Variants in SPRY3 observed in about 807,000 individuals in gnomAD.
The protein encoded by SPRY3 is protein sprouty homolog 3.
Under a neutral mutation model 20.2 loss-of-function variants are expected in SPRY3, and 15 were observed. That is an observed-to-expected ratio of 0.74 (90% confidence interval 0.50 to 1.14). The LOEUF is 1.14. SPRY3 is among the 50% of genes most tolerant of loss of function. The pLI is 0.00. For missense variants in SPRY3, 364 were observed against 363.9 expected (o/e 1.00, Z 0.00); for synonymous variants, 143 against 136.5 (o/e 1.05, Z -0.33).
chrX:155,735,215 C>T (rs747673002), intron 2 of SPRY3, among the ~76,000 whole-genome samples: 2 of 151,796 alleles, frequency 1.3e-5, no homozygotes, highest in East Asian at 1.9e-4. Context: ...TAAGAGAATA[C>T]TTTGTATGAT....
At chrX:155,708,271 A>G (rs1166334212) in intron 2 of SPRY3, among the ~76,000 whole-genome samples, 1 of 151,406 alleles carries the variant, frequency 6.6e-6, no homozygotes, top group East Asian at 1.9e-4. Flanking sequence ...CACTTTTGAA[A>G]GATAATTCTG....
chrX:155,708,854 A>C (rs977131137), intron 2 of SPRY3, among the ~76,000 whole-genome samples: 5 of 151,242 alleles, frequency 3.3e-5, no homozygotes, highest in African/African-American at 1.2e-4. Context: ...CATTCTAACT[A>C]TTTTTTGGTA....
intron 2 of SPRY3, among the ~76,000 whole-genome samples, chrX:155,710,324 A>G (rs978556285): frequency 2.8e-4 from 43 of 151,182 alleles, no homozygotes; most frequent in African/African-American, 9.9e-4. Flanking sequence ...TTTTGTGCGT[A>G]CTCTTCAATT....
intron 2 of SPRY3, among the ~76,000 whole-genome samples, chrX:155,672,092 C>G (rs2068042544): frequency 9.0e-6 from 1 of 111,691 alleles, no homozygotes; most frequent in Non-Finnish European, 1.9e-5. Flanking sequence ...ATGCCTCCAG[C>G]TTTGTTCTGT....
intron 2 of SPRY3, among the ~76,000 whole-genome samples, chrX:155,753,748 T>C (rs2091273231): frequency 6.6e-6 from 1 of 152,008 alleles, no homozygotes; most frequent in Non-Finnish European, 1.5e-5. Flanking sequence ...ACATCCTCAC[T>C]ACCACGTGTG....
chrX:155,774,842 T>C, exon 4 of SPRY3: 2 of 1,329,680 alleles, frequency 1.5e-6, no homozygotes, highest in Non-Finnish European at 1.0e-6. Flanking sequence ...TAGCCAAAGT[T>C]AGGGCCTCTC....
At chrX:155,714,085 A>G (rs937787636) in intron 2 of SPRY3, among the ~76,000 whole-genome samples, 1 of 152,120 alleles carries the variant, frequency 6.6e-6, no homozygotes. Context: ...TATCTGATAG[A>G]ATTCTGAAGT....
Position 155,692,838 on chromosome X carries a change from T to G in SPRY3, c.-282+35813T>G, listed in dbSNP as rs1485198180. Reference sequence around the variant, plus strand: ...ACATAAAATCGTTCACAATACATACTTATTAACTTTTAATGACTTAATGAT... The same window carrying G: ...ACATAAAATCGTTCACAATACATACGTATTAACTTTTAATGACTTAATGAT... On this transcript the variant is annotated intron_variant, in intron 2 of 3. Transcript: ENST00000675360. Among the ~76,000 whole-genome samples, 6 of 111,949 alleles carry G rather than the reference T, an allele frequency of 5.4e-5. No individual in the cohort carries two copies. In the East Asian group the frequency reaches 1.7e-3, roughly 31 times the overall value.
At chrX:155,656,794 T>C (rs918894105) in intron 1 of SPRY3, among the ~76,000 whole-genome samples, 1 of 111,872 alleles carries the variant, frequency 8.9e-6, no homozygotes, top group Admixed American at 9.5e-5. Context: ...GTGGGCATTC[T>C]TTTTGTTGAT....
intron 2 of SPRY3, among the ~76,000 whole-genome samples, chrX:155,744,657 C>G (rs1368991161): frequency 6.6e-6 from 1 of 151,952 alleles, no homozygotes; most frequent in Non-Finnish European, 1.5e-5. Flanking sequence ...AGTGCAGACC[C>G]AGGACACTAA....
intron 2 of SPRY3, among the ~76,000 whole-genome samples, chrX:155,746,972 G>T (rs1483111708): frequency 6.6e-6 from 1 of 151,456 alleles, no homozygotes. Context: ...TCTCCTCTTG[G>T]CTCCAAACTG....
At chrX:155,780,562 GTATT>G (rs1407616092), downstream of SPRY3, 37 of 166,992 alleles carry the variant, frequency 2.2e-4, no homozygotes, top group Admixed American at 9.8e-4. Flanking sequence ...ATATAGAAAA[GTATT>G]TATATGAAGT....
chrX:155,739,401 G>T (rs2091190630), intron 2 of SPRY3, among the ~76,000 whole-genome samples: 1 of 152,232 alleles, frequency 6.6e-6, no homozygotes, highest in Admixed American at 6.5e-5. Flanking sequence ...GGAGAGTCTG[G>T]GTGGTTTGGA....
At chrX:155,653,672 A>G (rs1353820346) in intron 1 of SPRY3, among the ~76,000 whole-genome samples, 1 of 112,091 alleles carries the variant, frequency 8.9e-6, no homozygotes, top group Non-Finnish European at 1.9e-5. Context: ...TAAGTTTTGA[A>G]ATTGGAAAGT....
At chrX:155,718,955 C>A (rs2091038705) in intron 2 of SPRY3, among the ~76,000 whole-genome samples, 1 of 152,036 alleles carries the variant, frequency 6.6e-6, no homozygotes, top group Admixed American at 6.6e-5. Context: ...CACAAGGACA[C>A]CAATTTAAAA....
chrX:155,638,572 G>A (rs1398634754), intron 1 of SPRY3, among the ~76,000 whole-genome samples: 8 of 107,154 alleles, frequency 7.5e-5, no homozygotes, highest in Admixed American at 1.0e-4. Context: ...CTGCTATTCT[G>A]TATTACATCT....
intron 2 of SPRY3, among the ~76,000 whole-genome samples, chrX:155,751,820 A>G (rs2091263347): frequency 6.6e-6 from 1 of 151,540 alleles, no homozygotes; most frequent in Non-Finnish European, 1.5e-5. Flanking sequence ...GATGCAATAT[A>G]AAAAAAGGAA....
chrX:155,649,779 C>G (rs191262478), intron 1 of SPRY3, among the ~76,000 whole-genome samples: 1 of 111,114 alleles, frequency 9.0e-6, no homozygotes, highest in East Asian at 2.8e-4. Context: ...GGTAATCACA[C>G]AAGAGAAGGA....
chrX:155,738,745 A>G (rs1261690240), intron 2 of SPRY3, among the ~76,000 whole-genome samples: 2 of 152,186 alleles, frequency 1.3e-5, no homozygotes, highest in African/African-American at 4.8e-5. Context: ...AGCCCACACC[A>G]CCAGGGCCTT....
Sources: gnomAD v4.1 joint callset for allele counts (sites outside exome capture counted in the v4.1 genomes callset) on GRCh38, gnomAD v4.1.1 for gene constraint, MANE v1.5 for transcripts, NCBI Gene and HGNC (gene_info 2026-07-23, HGNC 2026-07-21) for gene names.